SGSM2: variants seen among roughly 807,000 people sequenced by gnomAD.
SGSM2 encodes the protein RUN and TBC1 domain containing 1.
In SGSM2, 89 loss-of-function variants were observed where a neutral mutation model predicts 126.6. The ratio of observed to expected loss-of-function variants is 0.70; its 90% CI spans 0.59 to 0.84. The LOEUF is 0.84. Among genes scored for constraint, SGSM2 ranks in the 40% least tolerant of loss-of-function variants. The probability of loss-of-function intolerance (pLI) is 0.00; values close to 1 mark genes in which losing one functional copy is unlikely to be tolerated. For synonymous variants in SGSM2, 614 were observed against 574.3 expected, an observed-to-expected ratio of 1.07 and a Z score of -0.99; for missense variants, 1,404 against 1,416.6, an observed-to-expected ratio of 0.99 and a Z score of 0.14.
chr17:2,369,457 A>T (rs1029982408), intron 12 of SGSM2, among the ~76,000 whole-genome samples: 8 of 152,000 alleles, frequency 5.3e-5, no homozygotes, highest in Admixed American at 5.2e-4. Flanking sequence ...CAGAGGAGAG[A>T]GTCAGAGTCA....
chr17:2,352,455 T>C lies in SGSM2; in HGVS notation c.133+8835T>C, dbSNP rs929841802. Among the ~76,000 whole-genome samples, 4 of 152,162 alleles carry C rather than the reference T, an allele frequency of 2.6e-5. No individual in the cohort carries two copies. In the South Asian group the frequency reaches 8.3e-4, roughly 32 times the overall value. On this transcript the variant is annotated intron_variant, in intron 2 of 23. Transcript: ENST00000268989. ...GCAAAAGGTGAAACCGGGCCGGAGG[T>C]GGGGAGCAAGCCACACCTGCCAACT...
At chr17:2,352,900 C>A (rs9896775) in intron 2 of SGSM2, among the ~76,000 whole-genome samples, 52,350 of 110,780 alleles carry the variant, frequency 0.47, 13,888 homozygotes, top group East Asian at 0.71. Context: ...GCCTCAGCCT[C>A]CCGAGTAGCT....
intron 1 of SGSM2, among the ~76,000 whole-genome samples, chr17:2,338,143 G>A (rs2064170723): frequency 6.6e-6 from 1 of 152,068 alleles, no homozygotes; most frequent in Non-Finnish European, 1.5e-5. Context: ...GGTGTCGTGC[G>A]GGCCGAGCTT....
chr17:2,362,919 C>G lies in SGSM2; in HGVS notation c.526+14C>G, dbSNP rs376471715. On this transcript the variant is annotated intron_variant, in intron 5 of 23. Coordinates refer to ENST00000268989, the MANE Select transcript of SGSM2 (RefSeq NM_014853.3). The surrounding 1 kb of genome is among the most constrained non-coding windows in gnomAD (Gnocchi z 4.9). Reference sequence around the variant, plus strand: ...CCTCTCTTCTAGGTGAGCCTGAGAGCACAGGCACAGTGGGTACGGGGCAGG... The same window carrying G: ...CCTCTCTTCTAGGTGAGCCTGAGAGGACAGGCACAGTGGGTACGGGGCAGG... 6.2e-7 allele frequency: 1 copy of G among 1,614,078 alleles called. No individual in the cohort carries two copies. Among genetic ancestry groups the G allele is most frequent in the Non-Finnish European group, 8.5e-7 (1 of 1,180,038 alleles).
Position 2,362,928 on chromosome 17 carries a change from A to T in SGSM2, c.526+23A>T. On this transcript the variant is annotated intron_variant, in intron 5 of 23. Coordinates refer to ENST00000268989, the MANE Select transcript of SGSM2 (RefSeq NM_014853.3). The surrounding 1 kb of genome is among the most constrained non-coding windows in gnomAD (Gnocchi z 4.9). ...TAGGTGAGCCTGAGAGCACAGGCAC[A>T]GTGGGTACGGGGCAGGTGCTGAGGG... is the stretch of plus-strand genomic sequence containing the variant. 1 of 1,614,158 alleles carries T rather than the reference A, an allele frequency of 6.2e-7. No homozygotes were observed. The highest frequency in any genetic ancestry group is 8.5e-7 in the Non-Finnish European group (1 of 1,180,032).
chr17:2,362,684 C>T lies in SGSM2; in HGVS notation c.459-154C>T, dbSNP rs530025983. Among the ~76,000 whole-genome samples, 2 of 152,264 alleles carry T rather than the reference C, an allele frequency of 1.3e-5. No individual in the cohort carries two copies. The highest frequency in any genetic ancestry group is 2.9e-5 in the Non-Finnish European group (2 of 68,054). ...CGGTGCCCTCAAGGCATTGGCCATA[C>T]CAGGCACCTCACGAAGCCCAGTCCC... On this transcript the variant is annotated intron_variant, in intron 4 of 23. Coordinates refer to ENST00000268989, the MANE Select transcript of SGSM2 (RefSeq NM_014853.3). This position sits in a 1 kb window ranked among gnomAD's most constrained non-coding sequence, Gnocchi z 4.9.
chr17:2,361,512 A>T, intron 2 of SGSM2, 125 bp from the exon 3 acceptor site: 1 of 1,162,896 alleles, frequency 8.6e-7, no homozygotes, highest in Non-Finnish European at 1.2e-6. Flanking sequence ...AAGCCAGGGT[A>T]TCTCCCTGGC....
At chr17:2,376,309 A>C (rs1157333613) in intron 19 of SGSM2, 48 bp downstream of exon 19, 3 of 1,488,138 alleles carry the variant, frequency 2.0e-6, no homozygotes, top group Admixed American at 3.9e-5. Flanking sequence ...CCCTGCCGCC[A>C]GTTACTCTGT....
In SGSM2 at chr17:2,379,269, G is replaced by A. The variant is rs558587027; in HGVS notation, c.3067+66G>A. 8.6e-5 allele frequency: 137 copies of A among 1,587,424 alleles called. No homozygotes were observed. In the African/African-American group the frequency reaches 9.8e-4, roughly 11 times the overall value. Reference sequence around the variant, plus strand: ...GTGTGGAGGCCCCCACCTCTGCCCCGCACACAGCTGGAGGGTTCTCAGGAA... The same window carrying A: ...GTGTGGAGGCCCCCACCTCTGCCCCACACACAGCTGGAGGGTTCTCAGGAA... On this transcript the variant is annotated intron_variant, in intron 23 of 23. Coordinates refer to ENST00000268989, the MANE Select transcript of SGSM2 (RefSeq NM_014853.3).
At chr17:2,347,952 C>T (rs137886066) in intron 2 of SGSM2, among the ~76,000 whole-genome samples, 3,825 of 152,260 alleles carry the variant, frequency 0.025, 77 homozygotes, top group Middle Eastern at 0.088. Context: ...GGGGCAGACA[C>T]CAGCCTGCCT....
At position 2,371,566 on chromosome 17, in the gene SGSM2, G is replaced by C. The variant is rs145726359; in HGVS notation, c.1577+151G>C. On this transcript the variant is annotated intron_variant, in intron 13 of 23. Transcript: ENST00000268989. The stretch of plus-strand genomic sequence containing the variant: ...CAAATTTCACTTTTGCTACCCACGT[G>C]ACTTACAAGTTATGGAATTACCATG... The C allele has an allele frequency of 1.5e-5, 13 of 893,886 alleles. No homozygotes were observed. The African/African-American group carries it at 1.9e-4, about 13-fold the overall frequency. 55.4% of individuals were successfully genotyped at this position (893,886 alleles called of 1,614,324 possible).
chr17:2,339,762 C>T (rs144938714), intron 1 of SGSM2, among the ~76,000 whole-genome samples: 3,488 of 151,866 alleles, frequency 0.023, 82 homozygotes, highest in Non-Finnish European at 0.029. Flanking sequence ...CATGCGTTAG[C>T]CATGGCCTGG....
intron 20 of SGSM2, 40 bp from the exon 21 acceptor site, chr17:2,376,910 TGTCCCCTGC>T (rs2066191422): frequency 6.2e-7 from 1 of 1,601,140 alleles, no homozygotes. Context: ...GAGCCGGCTC[TGTCCCCTGC>T]GTCTCCTGCC....
At chr17:2,359,291 CAT>C (rs1326882034) in intron 2 of SGSM2, among the ~76,000 whole-genome samples, 1 of 152,026 alleles carries the variant, frequency 6.6e-6, no homozygotes, top group Admixed American at 6.6e-5. Flanking sequence ...CACGCGATAA[CAT>C]ATTCATCACA....
rs550868302 is a variant in SGSM2, at chr17:2,359,962, C to T, written c.134-1675C>T. 4.3e-4 allele frequency among the ~76,000 whole-genome samples: 65 copies of T among 152,262 alleles called. 2 individuals carry two copies. The South Asian group carries it at 7.7e-3, about 18-fold the overall frequency. On this transcript the variant is annotated intron_variant, in intron 2 of 23. Coordinates refer to ENST00000268989, the MANE Select transcript of SGSM2 (RefSeq NM_014853.3). The stretch of plus-strand genomic sequence containing the variant: ...AAGAGACTGGGACAAAAGGGTCATT[C>T]GCCTGTATATCCCAGGGCCACACAA...
chr17:2,373,192 C>CA, intron 16 of SGSM2, 111 bp downstream of exon 16: 1 of 1,548,582 alleles, frequency 6.5e-7, no homozygotes, highest in South Asian at 1.2e-5. Context: ...AGAAGCATGG[C>CA]AGGGCAGCTC....
intron 17 of SGSM2, chr17:2,375,278 A>T: frequency 1.8e-6 from 1 of 540,750 alleles, no homozygotes; most frequent in Non-Finnish European, 3.2e-6. Context: ...AGGGCTGAAG[A>T]CGTGTCTTCA....
chr17:2,380,220 T>TG lies in SGSM2; in HGVS notation c.*701dup. On this transcript the variant is annotated 3_prime_UTR_variant, in exon 24 of 24. Coordinates refer to ENST00000268989, the MANE Select transcript of SGSM2 (RefSeq NM_014853.3). ...CTTGTACAGTGTACCTCTGTGTATCTGTACAGCCTCGCTCCTGCCACCCCA... is the reference window on the plus strand; with the variant it reads ...CTTGTACAGTGTACCTCTGTGTATCTGGTACAGCCTCGCTCCTGCCACCCCA... 6.5e-7 allele frequency: 1 copy of TG among 1,535,516 alleles called. No homozygotes were observed. The highest frequency in any genetic ancestry group is 8.7e-7 in the Non-Finnish European group (1 of 1,146,508).
chr17:2,373,414 G>A lies in SGSM2; in HGVS notation c.2001G>A (p.Arg667=). 1.9e-6 allele frequency: 3 copies of A among 1,612,060 alleles called. No homozygotes were observed. The African/African-American group carries it at 4.0e-5, about 21-fold the overall frequency. ...AGGTGGTGGTGAGGCAGCGGGAGCG[G>A]GAGGCCCACCCAGCCACACGCACCA... is the stretch of plus-strand genomic sequence containing the variant. ...ACEVVVRQRE[R]EAHPATRTKF... The change falls in exon 17 of 24, where the codon CGG becomes CGA. Residue 667 remains arginine (R), a synonymous_variant. Transcript: ENST00000268989.
Sources: allele counts gnomAD v4.1 joint callset (sites outside exome capture counted in the v4.1 genomes callset), GRCh38; gene constraint gnomAD v4.1.1; non-coding constraint Gnocchi (gnomAD v3.1); transcripts MANE v1.5; gene names NCBI Gene and HGNC (gene_info 2026-07-23, HGNC 2026-07-21).